The following MKS1 variants were observed in gnomAD, a reference collection of about 807,000 sequenced individuals.
The protein encoded by MKS1 is MKS transition zone complex subunit 1.
Under a neutral mutation model 83.7 loss-of-function variants are expected in MKS1, and 70 were observed. The ratio of observed to expected loss-of-function variants is 0.84; its 90% CI spans 0.69 to 1.02. The LOEUF (loss-of-function observed/expected upper bound fraction) is 1.02, where lower values mean the gene tolerates loss of function less well. MKS1 is among the 50% of genes least tolerant of loss of function. The pLI, the probability that MKS1 is intolerant of heterozygous loss-of-function variation, is 0.00. For synonymous variants in MKS1, 251 were observed against 273.4 expected, an observed-to-expected ratio of 0.92 and a Z score of 0.81; for missense variants, 681 against 726.9, an observed-to-expected ratio of 0.94 and a Z score of 0.73.
At chr17:58,210,319 CT>C (rs1318556159) in intron 11 of MKS1, among the ~76,000 whole-genome samples, 1 of 152,014 alleles carries the variant, frequency 6.6e-6, no homozygotes, top group Non-Finnish European at 1.5e-5. Context: ...AACAGAAGGC[CT>C]TGGCTTAGCT....
Position 58,213,771 on chromosome 17 carries a change from G to A in MKS1, c.743C>T (p.Pro248Leu). 6.2e-7 allele frequency: 1 copy of A among 1,611,964 alleles called. No individual in the cohort carries two copies. The highest frequency in any genetic ancestry group is 8.5e-7 in the Non-Finnish European group (1 of 1,178,092). Residue 248 changes from proline to leucine, a missense_variant, in exon 7 of 18, where the codon CCC becomes CTC. Pro to Leu is a moderately conservative substitution (Grantham distance 98, BLOSUM62 -3). Around this residue, in one of 3 missense-constraint regions of MKS1, gnomAD observed 365 missense variants for 383.8 expected, o/e 0.95. Transcript: ENST00000393119. ...VKPDFTGLKG[P>L]YRIETEGEKQ... Reference sequence around the variant, plus strand: ...CCTTTCTTCCTCTCCTCACCTGTAGGGTCCTTTGAGGCCCGTGAAGTCAGG... The same window carrying A: ...CCTTTCTTCCTCTCCTCACCTGTAGAGTCCTTTGAGGCCCGTGAAGTCAGG...
chr17:58,218,801 G>GA, intron 1 of MKS1, 72 bp from the exon 2 acceptor site: 1 of 1,355,642 alleles, frequency 7.4e-7, no homozygotes, highest in South Asian at 1.2e-5. Context: ...AAGGATGGGG[G>GA]AAACAAAACA....
chr17:58,206,648 G>A (rs1020452418), intron 15 of MKS1, 101 bp from the exon 16 acceptor site: 12 of 1,194,452 alleles, frequency 1.0e-5, no homozygotes, highest in Middle Eastern at 2.0e-4. Flanking sequence ...CTTGGGAAGC[G>A]CAGTTCTGTT....
rs1007814770 is a variant in MKS1 at position 58,207,187 on chromosome 17, T to C, written c.1305A>G (p.Arg435=). 1.2e-6 allele frequency: 2 copies of C among 1,613,422 alleles called. No homozygotes were observed. Among genetic ancestry groups the C allele is most frequent in the Non-Finnish European group, 1.7e-6 (2 of 1,179,878 alleles). ...CAGCCACCGTGCCAAGCTCCACAGG[T>C]CTCCACGTGGAGACTGTCAGGGTGT... is the stretch of plus-strand genomic sequence containing the variant. ...GSHTLTVSTW[R]PVELGTVAEL... The change falls in exon 15 of 18, where the codon AGA becomes AGG. Residue 435 remains arginine (R), a synonymous_variant. Coordinates refer to ENST00000393119, the MANE Select transcript of MKS1 (RefSeq NM_017777.4).
In MKS1 at chr17:58,208,002, C is replaced by G. The variant is rs776174898; in HGVS notation, c.1166-1G>C. On this transcript the variant is annotated splice_acceptor_variant, in intron 13 of 17. Coordinates refer to ENST00000393119, the MANE Select transcript of MKS1 (RefSeq NM_017777.4). LOFTEE classifies it high-confidence loss of function. ...AGCACAGGCCACTCCGGGAGTGCAT[C>G]TGGGAGCAAGGAGAGAAGCGGCCAG... is the stretch of plus-strand genomic sequence containing the variant. 1.9e-6 allele frequency: 3 copies of G among 1,613,880 alleles called. No homozygotes were observed. Among genetic ancestry groups the G allele is most frequent in the Non-Finnish European group, 2.5e-6 (3 of 1,179,864 alleles).
At chr17:58,211,056 G>T (rs779710643) in intron 9 of MKS1, 34 bp from the exon 10 acceptor site, 7 of 1,609,692 alleles carry the variant, frequency 4.3e-6, no homozygotes, top group South Asian at 1.1e-5. Context: ...GGATCAGCAG[G>T]CCTGGAGGGA....
Position 58,212,997 on chromosome 17 carries a change from C to A in MKS1, c.843G>T (p.Arg281=). The part of the protein sequence containing the change: ...HAQPEEEERE[R]RVFKDLYGRH... ...TTGCGCTTACATCCTTGAACACTCG[C>A]CGTTCCCGCTCCTCCTCCTCCGGCT... Residue 281 remains arginine (R), a synonymous_variant, in exon 8 of 18, where the codon CGG becomes CGT. Coordinates refer to ENST00000393119, the MANE Select transcript of MKS1 (RefSeq NM_017777.4). 1.2e-6 allele frequency: 2 copies of A among 1,614,150 alleles called. No homozygotes were observed. Among genetic ancestry groups the A allele is most frequent in the South Asian group, 2.2e-5 (2 of 91,076 alleles).
intron 15 of MKS1, 85 bp from the exon 16 acceptor site, chr17:58,206,632 C>A: frequency 7.5e-7 from 1 of 1,341,330 alleles, no homozygotes; most frequent in Non-Finnish European, 1.1e-6. Flanking sequence ...CATTCTTATT[C>A]CCATTCTTGG....
chr17:58,215,371 C>T (rs1057061338), intron 4 of MKS1, among the ~76,000 whole-genome samples: 1 of 152,166 alleles, frequency 6.6e-6, no homozygotes, highest in Non-Finnish European at 1.5e-5. Flanking sequence ...GTGATCCTCC[C>T]GCCTCAGCTT....
chr17:58,216,166 C>G lies in MKS1; in HGVS notation c.339G>C (p.Lys113Asn), dbSNP rs1342346516. 1 of 1,614,156 alleles carries G rather than the reference C, an allele frequency of 6.2e-7. No homozygotes were observed. Residue 113 changes from lysine to asparagine, a missense_variant, in exon 4 of 18, where the codon AAG becomes AAC. Lys to Asn is a moderately conservative substitution (Grantham distance 94). Transcript: ENST00000393119. ...TTTTCTTGCCACCCGAATTCTCCAG[C>G]TTCAGGATCTCCTGACGGTACTGAT... ...LDYQYRQEILKLENSGGKKNR... is the reference protein window; with the variant it reads ...LDYQYRQEILNLENSGGKKNR...
At chr17:58,212,564 C>T (rs1968936648) in intron 8 of MKS1, 130 bp from the exon 9 acceptor site, 2 of 981,314 alleles carry the variant, frequency 2.0e-6, no homozygotes, top group African/African-American at 1.6e-5. Flanking sequence ...ACCTGACTCA[C>T]CGCCATTTTA....
In MKS1 at chr17:58,214,357, G is replaced by A. The variant is rs1969065058; in HGVS notation, c.546C>T (p.Val182=). ...MEGGILKSRI[V]TWEPSEEFVR... ...CAAACTCTTCTGAGGGCTCCCAGGT[G>A]ACGATGCGTGACTTGAGGATGCCGC... Residue 182 remains valine, a synonymous_variant, in exon 6 of 18, where the codon GTC becomes GTT. Coordinates refer to ENST00000393119, the MANE Select transcript of MKS1 (RefSeq NM_017777.4). 1 of 1,613,710 alleles carries A rather than the reference G, an allele frequency of 6.2e-7. No individual in the cohort carries two copies.
intron 15 of MKS1, 45 bp downstream of exon 15, chr17:58,207,040 G>T: frequency 6.2e-7 from 1 of 1,613,650 alleles, no homozygotes; most frequent in South Asian, 1.1e-5. Flanking sequence ...AGAAGGACAG[G>T]ACCATAAGTT....
chr17:58,207,603 T>C (rs1213574033), intron 14 of MKS1: 1 of 550,612 alleles, frequency 1.8e-6, no homozygotes, highest in East Asian at 3.2e-5. Context: ...TGAATGCTGA[T>C]TCATTCAATA....
intron 11 of MKS1, among the ~76,000 whole-genome samples, chr17:58,210,012 G>T (rs1371664108): frequency 6.6e-6 from 1 of 152,162 alleles, no homozygotes; most frequent in East Asian, 1.9e-4. Flanking sequence ...AGGGAGCTAG[G>T]GAAAGTGAGG....
intron 4 of MKS1, 62 bp downstream of exon 4, chr17:58,216,026 G>A (rs2143818123): frequency 6.3e-7 from 1 of 1,585,162 alleles, no homozygotes; most frequent in South Asian, 1.1e-5. Flanking sequence ...ACAGAACTCA[G>A]TGAGGCAAAA....
intron 1 of MKS1, 21 bp from the exon 2 acceptor site, chr17:58,218,750 T>C: frequency 6.3e-7 from 1 of 1,579,902 alleles, no homozygotes; most frequent in Non-Finnish European, 8.7e-7. Flanking sequence ...AAGCCCAAAA[T>C]ATTCGTTACC....
chr17:58,219,209 T>C lies in MKS1; in HGVS notation c.22A>G (p.Thr8Ala). 6.4e-7 allele frequency: 1 copy of C among 1,551,060 alleles called. No homozygotes were observed. The highest frequency in any genetic ancestry group is 1.2e-5 in the South Asian group (1 of 84,060). The change falls in exon 1 of 18, where the codon ACT (threonine) becomes GCT (alanine). Residue 8 changes from threonine (T) to alanine (A), a missense_variant. Thr to Ala is a moderately conservative substitution (Grantham distance 58). Around this residue, in one of 3 missense-constraint regions of MKS1, gnomAD observed 365 missense variants for 383.8 expected, o/e 0.95. Transcript: ENST00000393119. MAETVWS[T>A]DTGEAVYRSR... ...CGATACACTGCCTCCCCGGTGTCAG[T>C]GCTCCAGACGGTCTCCGCCATGACA...
rs962001500 is a variant in MKS1, at chr17:58,206,510, G to A, written c.1445C>T (p.Thr482Ile). The change falls in exon 16 of 18, where the codon ACC becomes ATC. Residue 482 changes from threonine (T) to isoleucine (I), a missense_variant. Coordinates refer to ENST00000393119, the MANE Select transcript of MKS1 (RefSeq NM_017777.4). ...CAAGCGGAAGGTGACAGTGCCTGTG[G>A]TCTCTGTGCGGAGTCCAAAGCGGCT... ...RLSRFGLRTETTGTVTFRLHC... is the reference protein window; with the variant it reads ...RLSRFGLRTEITGTVTFRLHC... The A allele has an allele frequency of 6.2e-7, 1 of 1,613,844 alleles. No homozygotes were observed. Among genetic ancestry groups the A allele is most frequent in the Non-Finnish European group, 8.5e-7 (1 of 1,180,034 alleles).
Sources: gnomAD v4.1 joint callset for allele counts (sites outside exome capture counted in the v4.1 genomes callset) on GRCh38, gnomAD v4.1.1 for gene constraint, gnomAD v4.1.1 regional missense constraint, MANE v1.5 for transcripts, NCBI Gene and HGNC (gene_info 2026-07-23, HGNC 2026-07-21) for gene names.